Variants in LAP3 observed in about 807,000 individuals in gnomAD.
LAP3 encodes cytosol aminopeptidase.
Under a neutral mutation model 58.8 loss-of-function variants are expected in LAP3, and 46 were observed. The observed-to-expected ratio is 0.78, with a 90% CI of 0.62 to 1.00. LAP3 has a LOEUF of 1.00. Among genes scored for constraint, LAP3 ranks in the 50% least tolerant of loss-of-function variants. LAP3 has a pLI of 0.00. For missense variants in LAP3, 615 were observed against 659.1 expected (o/e 0.93, Z 0.73); for synonymous variants, 257 against 237.7 (o/e 1.08, Z -0.75).
At chr4:17,588,776 A>G (rs1162456897) in intron 6 of LAP3, 43 bp from the exon 7 acceptor site, 2 of 1,538,736 alleles carry the variant, frequency 1.3e-6, no homozygotes, top group Non-Finnish European at 1.8e-6. Context: ...TTTTGAAATA[A>G]AGGTAACAGT....
intron 6 of LAP3, chr4:17,587,462 CTG>C (rs1713554027): frequency 7.2e-6 from 1 of 139,668 alleles, no homozygotes; most frequent in Non-Finnish European, 1.5e-5. Flanking sequence ...ATTTTTAAAA[CTG>C]TTTCATCTTC....
At chr4:17,577,595 C>A in intron 1 of LAP3, 28 bp downstream of exon 1, 1 of 1,505,018 alleles carries the variant, frequency 6.6e-7, no homozygotes, top group Non-Finnish European at 9.0e-7. Flanking sequence ...GCTCATGGTC[C>A]GCCGCTGGGG....
intron 7 of LAP3, 97 bp downstream of exon 7, chr4:17,589,074 T>G: frequency 3.0e-6 from 4 of 1,348,202 alleles, no homozygotes; most frequent in Non-Finnish European, 2.0e-6. Context: ...TTTTTTTTTT[T>G]TTTTGAGGCA....
At chr4:17,600,980 C>G (rs1371729271) in intron 10 of LAP3, among the ~76,000 whole-genome samples, 1 of 152,182 alleles carries the variant, frequency 6.6e-6, no homozygotes, top group Non-Finnish European at 1.5e-5. Flanking sequence ...GACACTGAAA[C>G]AGATGTTACT....
chr4:17,600,377 A>G (rs896143728), intron 10 of LAP3, among the ~76,000 whole-genome samples: 2 of 150,886 alleles, frequency 1.3e-5, no homozygotes, highest in African/African-American at 4.9e-5. Context: ...CAGTTTAGCA[A>G]ACACTTTACC....
At chr4:17,595,187 C>T (rs1292832007) in intron 7 of LAP3, among the ~76,000 whole-genome samples, 1 of 150,818 alleles carries the variant, frequency 6.6e-6, no homozygotes, top group Non-Finnish European at 1.5e-5. Context: ...TACAGGCGCC[C>T]ACCACCACAC....
In LAP3 at chr4:17,579,911, G is replaced by C; in HGVS notation, c.190G>C (p.Ala64Pro). ...AGGAGAGAATTTTGATAAATTGTTA[G>C]CTGGAAAGCTGAGAGAGACTTTGAA... ...SAGENFDKLLAGKLRETLNIS... is the reference protein window; with the variant it reads ...SAGENFDKLLPGKLRETLNIS... The change falls in exon 2 of 13, where the codon GCT becomes CCT. Residue 64 changes from alanine (A) to proline (P), a missense_variant. Coordinates refer to ENST00000226299, the MANE Select transcript of LAP3 (RefSeq NM_015907.3). 1 of 1,609,732 alleles carries C rather than the reference G, an allele frequency of 6.2e-7. No homozygotes were observed. The highest frequency in any genetic ancestry group is 1.3e-5 in the African/African-American group (1 of 74,830).
intron 6 of LAP3, among the ~76,000 whole-genome samples, chr4:17,587,014 A>G (rs1225180994): frequency 1.3e-5 from 2 of 152,286 alleles, no homozygotes; most frequent in African/African-American, 2.4e-5. Context: ...GCTGAGGCAC[A>G]AGAATTGCTT....
intron 11 of LAP3, among the ~76,000 whole-genome samples, chr4:17,606,290 A>G (rs1714137111): frequency 6.6e-6 from 1 of 152,126 alleles, no homozygotes; most frequent in African/African-American, 2.4e-5. Flanking sequence ...AAAATGCCCT[A>G]CAGATTTGTG....
At chr4:17,583,110 G>A (rs1300363682) in intron 4 of LAP3, among the ~76,000 whole-genome samples, 2 of 152,096 alleles carry the variant, frequency 1.3e-5, no homozygotes, top group Admixed American at 6.6e-5. Context: ...TAATTTCAGC[G>A]TCATCATTTC....
At chr4:17,590,885 A>T (rs182448748) in intron 7 of LAP3, among the ~76,000 whole-genome samples, 2 of 147,954 alleles carry the variant, frequency 1.4e-5, no homozygotes, top group Non-Finnish European at 3.0e-5. Context: ...AGTGTGTATT[A>T]TAAAAACAAT....
chr4:17,581,867 A>ATC, intron 3 of LAP3, 53 bp downstream of exon 3: 1 of 1,379,696 alleles, frequency 7.2e-7, no homozygotes, highest in Non-Finnish European at 1.0e-6. Context: ...TCTACTGTAC[A>ATC]CCAAGTATTG....
chr4:17,606,873 C>T lies in LAP3; in HGVS notation c.1305C>T (p.Phe435=), dbSNP rs373038748. Residue 435 remains phenylalanine (F), a synonymous_variant, in exon 12 of 13, where the codon TTC becomes TTT. Transcript: ENST00000226299. The stretch of plus-strand genomic sequence containing the variant: ...ACCGTGTCTGGAGGATGCCTCTCTT[C>T]GAACATTATACAAGACAGGTTGTAG... ...TGDRVWRMPL[F]EHYTRQVVDC... is the part of the protein sequence containing the mutation. 3.6e-5 allele frequency: 58 copies of T among 1,613,370 alleles called. 1 individual carries two copies. The highest frequency in any genetic ancestry group is 4.4e-5 in the South Asian group (4 of 91,022).
chr4:17,596,527 C>T (rs981979640), intron 8 of LAP3, among the ~76,000 whole-genome samples: 3 of 152,024 alleles, frequency 2.0e-5, no homozygotes, highest in South Asian at 2.1e-4. Context: ...TTAGTAGAGA[C>T]GGGGTTTCTC....
chr4:17,599,762 A>G (rs1713941096), intron 10 of LAP3, among the ~76,000 whole-genome samples: 1 of 151,884 alleles, frequency 6.6e-6, no homozygotes, highest in Non-Finnish European at 1.5e-5. Flanking sequence ...GGAAATAAAA[A>G]CATTTTACCA....
In LAP3 at chr4:17,588,820, C is replaced by A; in HGVS notation, c.706C>A (p.Pro236Thr). Residue 236 changes from proline (P) to threonine (T), a missense_variant and splice_region_variant, in exon 7 of 13, where the codon CCC becomes ACC. Transcript: ENST00000226299. Reference sequence around the variant, plus strand: ...TTTTTCCCTCTTTCTACCCTATAGACCCAAGTCTTGGATTGAGGAACAGGC... The same window carrying A: ...TTTTTCCCTCTTTCTACCCTATAGAACCAAGTCTTGGATTGAGGAACAGGC... ...ASSKTEVHIR[P>T]KSWIEEQAMG... is the part of the protein sequence containing the mutation. 8 of 1,613,474 alleles carry A rather than the reference C, an allele frequency of 5.0e-6. No individual in the cohort carries two copies. The highest frequency in any genetic ancestry group is 6.8e-6 in the Non-Finnish European group (8 of 1,179,602).
At position 17,585,147 on chromosome 4, in the gene LAP3, A is replaced by G. The variant is rs748575584; in HGVS notation, c.704+11A>G. On this transcript the variant is annotated intron_variant, in intron 6 of 12. Transcript: ENST00000226299. ...CGAGGTCCATATCAGGTAATTCAGG[A>G]TTGTGTCACAGACTCGAGATGTTAC... 1.9e-6 allele frequency: 3 copies of G among 1,606,510 alleles called. No individual in the cohort carries two copies. Among genetic ancestry groups the G allele is most frequent in the Non-Finnish European group, 2.6e-6 (3 of 1,173,692 alleles).
Position 17,597,150 on chromosome 4 carries a change from A to G in LAP3, c.1077+16A>G. The G allele has an allele frequency of 6.2e-7, 1 of 1,602,028 alleles. No individual in the cohort carries two copies. Among genetic ancestry groups the G allele is most frequent in the Non-Finnish European group, 8.6e-7 (1 of 1,168,940 alleles). On this transcript the variant is annotated intron_variant, in intron 9 of 12. Transcript: ENST00000226299. ...GACCATCCAGGTTTGTAAATGTGAGACACAGCACTCCCCATCCAGCGTTCC... is the reference window on the plus strand; with the variant it reads ...GACCATCCAGGTTTGTAAATGTGAGGCACAGCACTCCCCATCCAGCGTTCC...
chr4:17,596,139 C>G (rs184833781), intron 8 of LAP3, among the ~76,000 whole-genome samples: 13 of 152,242 alleles, frequency 8.5e-5, no homozygotes, highest in Admixed American at 2.0e-4. Flanking sequence ...ACATGCCCCC[C>G]TCCTTCACTA....
Sources: gnomAD v4.1 joint callset for allele counts (sites outside exome capture counted in the v4.1 genomes callset) on GRCh38, gnomAD v4.1.1 for gene constraint, MANE v1.5 for transcripts, NCBI Gene and HGNC (gene_info 2026-07-23, HGNC 2026-07-21) for gene names.